Variants in SPSB1 observed in about 807,000 individuals in gnomAD.
The protein encoded by SPSB1 is SPRY domain-containing SOCS box protein 1.
A neutral mutation model predicts 21.2 loss-of-function variants in SPSB1; 8 were observed. The observed-to-expected ratio is 0.38, with a 90% CI of 0.22 to 0.68. SPSB1 has a LOEUF of 0.68. Ranked by LOEUF, SPSB1 falls within the 30% of genes least tolerant of loss-of-function variation. SPSB1 has a pLI of 0.53. For synonymous variants in SPSB1, 169 were observed against 161.7 expected, an observed-to-expected ratio of 1.05 and a Z score of -0.34; for missense variants, 242 against 377.8, an observed-to-expected ratio of 0.64 and a Z score of 2.98.
At chr1:9,299,307 T>C (rs1260553557) in intron 1 of SPSB1, among the ~76,000 whole-genome samples, 1 of 152,248 alleles carries the variant, frequency 6.6e-6, no homozygotes, top group Non-Finnish European at 1.5e-5. Flanking sequence ...TGTCACAGTT[T>C]AGTTCACAGT....
intron 1 of SPSB1, among the ~76,000 whole-genome samples, chr1:9,343,517 CA>C (rs1308419906): frequency 6.6e-6 from 1 of 152,164 alleles, no homozygotes; most frequent in Non-Finnish European, 1.5e-5. Flanking sequence ...CATTGATGGA[CA>C]TTTGGGCTCA....
At chr1:9,330,268 G>C (rs1391490440) in intron 1 of SPSB1, among the ~76,000 whole-genome samples, 1 of 152,160 alleles carries the variant, frequency 6.6e-6, no homozygotes, top group Non-Finnish European at 1.5e-5. Context: ...AGGAGTTTGA[G>C]ACCAGCCTGG....
intron 1 of SPSB1, among the ~76,000 whole-genome samples, chr1:9,319,299 A>G (rs1335570252): frequency 6.6e-6 from 1 of 152,216 alleles, no homozygotes; most frequent in African/African-American, 2.4e-5. Flanking sequence ...GCTGCGGGTC[A>G]GCATGTGGAC....
Position 9,356,122 on chromosome 1 carries a change from G to A in SPSB1, c.231G>A (p.Arg77=), listed in dbSNP as rs1350219951. 1 of 1,600,964 alleles carries A rather than the reference G, an allele frequency of 6.2e-7. No homozygotes were observed. The highest frequency in any genetic ancestry group is 2.2e-5 in the East Asian group (1 of 44,648). ...AGGACGACAAGCTCATCTTTCACCG[G>A]CATCCGGTGGCCCAGAGCACGGACG... ...VKEDDKLIFH[R]HPVAQSTDAI... Residue 77 remains arginine (R), a synonymous_variant, in exon 2 of 3, where the codon CGG becomes CGA. Transcript: ENST00000328089. This position sits in a 1 kb window ranked among gnomAD's most constrained non-coding sequence, Gnocchi z 7.4.
intron 1 of SPSB1, among the ~76,000 whole-genome samples, chr1:9,353,751 T>C (rs1640314818): frequency 6.6e-6 from 1 of 152,006 alleles, no homozygotes; most frequent in Admixed American, 6.6e-5. Context: ...AAACCCGGCC[T>C]CTACTAAATA....
In SPSB1 at chr1:9,355,759, C is replaced by A. The variant is rs367854687; in HGVS notation, c.-133C>A. On this transcript the variant is annotated 5_prime_UTR_variant, in exon 2 of 3. Coordinates refer to ENST00000328089, the MANE Select transcript of SPSB1 (RefSeq NM_025106.4). ...GTCCATTAGGCAATACTGAACACTG[C>A]GCAGCTTGCAGAGGTCTCCTGGCAG... 1.4e-6 allele frequency: 2 copies of A among 1,475,374 alleles called. No individual in the cohort carries two copies. The highest frequency in any genetic ancestry group is 2.3e-5 in the East Asian group (1 of 42,734). 91.4% of individuals were successfully genotyped at this position (1,475,374 alleles called of 1,614,324 possible).
intron 2 of SPSB1, among the ~76,000 whole-genome samples, chr1:9,366,145 A>C (rs1405037449): frequency 1.3e-5 from 2 of 152,250 alleles, no homozygotes; most frequent in South Asian, 4.1e-4. Flanking sequence ...GGGAGGCTGC[A>C]GCTGGAAGCG....
intron 1 of SPSB1, among the ~76,000 whole-genome samples, chr1:9,304,592 G>T (rs1639382735): frequency 6.6e-6 from 1 of 152,190 alleles, no homozygotes; most frequent in Non-Finnish European, 1.5e-5. Context: ...GTAACTAGTT[G>T]AATGTGGGGT....
At chr1:9,331,379 G>A (rs1639917666) in intron 1 of SPSB1, among the ~76,000 whole-genome samples, 1 of 129,992 alleles carries the variant, frequency 7.7e-6, no homozygotes, top group Non-Finnish European at 1.5e-5. Flanking sequence ...TGCCCAGGCT[G>A]GAGTACAGTG....
chr1:9,333,218 A>G (rs1639950718), intron 1 of SPSB1, among the ~76,000 whole-genome samples: 1 of 152,156 alleles, frequency 6.6e-6, no homozygotes, highest in Non-Finnish European at 1.5e-5. Flanking sequence ...CACTTCCTGG[A>G]CAGCAGCCTG....
At position 9,367,414 on chromosome 1, in the gene SPSB1, G is replaced by C. The variant is rs116283725; in HGVS notation, c.695-34G>C. 3,643 of 1,612,652 alleles carry C rather than the reference G, an allele frequency of 2.3e-3. 78 individuals are homozygous for C. The African/African-American group carries it at 0.045, about 20-fold the overall frequency. On this transcript the variant is annotated intron_variant, in intron 2 of 2. Coordinates refer to ENST00000328089, the MANE Select transcript of SPSB1 (RefSeq NM_025106.4). The surrounding 1 kb of genome is among the most constrained non-coding windows in gnomAD (Gnocchi z 5.9). ...CGCTGTTTGCTGAACACCCACCCAA[G>C]CTGCGCTGACCTGCAGTTTCTCTGT...
intron 1 of SPSB1, among the ~76,000 whole-genome samples, chr1:9,331,821 C>T (rs527529804): frequency 6.6e-6 from 1 of 152,324 alleles, no homozygotes; most frequent in Admixed American, 6.5e-5. Context: ...CGTGCGATCT[C>T]ATTACTGCTT....
intron 2 of SPSB1, among the ~76,000 whole-genome samples, chr1:9,362,163 G>A (rs983621443): frequency 1.3e-5 from 2 of 151,522 alleles, no homozygotes; most frequent in Non-Finnish European, 2.9e-5. Context: ...CTGATACACC[G>A]CCACCAGGGC....
chr1:9,319,731 G>A lies in SPSB1; in HGVS notation c.-150+26660G>A, dbSNP rs113474552. On this transcript the variant is annotated intron_variant, in intron 1 of 2. Coordinates refer to ENST00000328089, the MANE Select transcript of SPSB1 (RefSeq NM_025106.4). ...AGTGCAGAGCAGCCCCCAAAGGTCC[G>A]CTGTAGTGAAGGGAGGGTACTACAG... Among the ~76,000 whole-genome samples the A allele has an allele frequency of 7.2e-3, 1,092 of 152,310 alleles. 6 individuals carry two copies. Among genetic ancestry groups the A allele is most frequent in the Middle Eastern group, 0.01 (3 of 294 alleles).
At chr1:9,309,469 C>T (rs1391767116) in intron 1 of SPSB1, among the ~76,000 whole-genome samples, 1 of 152,062 alleles carries the variant, frequency 6.6e-6, no homozygotes, top group African/African-American at 2.4e-5. Flanking sequence ...AGGTATGTGT[C>T]ACCATACCTG....
At chr1:9,306,930 CT>C (rs200660299) in intron 1 of SPSB1, among the ~76,000 whole-genome samples, 18,391 of 67,268 alleles carry the variant, frequency 0.27, 1,547 homozygotes, top group African/African-American at 0.42. Flanking sequence ...TTCTTTTCTT[CT>C]TTTTTTTTTT....
chr1:9,319,488 C>G (rs2100480667), intron 1 of SPSB1, among the ~76,000 whole-genome samples: 1 of 152,308 alleles, frequency 6.6e-6, no homozygotes. Flanking sequence ...CTCCGAGGCC[C>G]TGCTGTCCCC....
chr1:9,305,791 A>G lies in SPSB1; in HGVS notation c.-150+12720A>G, dbSNP rs937083413. On this transcript the variant is annotated intron_variant, in intron 1 of 2. Transcript: ENST00000328089. This position sits in a 1 kb window ranked among gnomAD's most constrained non-coding sequence, Gnocchi z 4.8. ...GTATGCAGCCAGTCTGCTGGGGCCGAGGATACAAAGAATGAGGAAGCTTTC... is the reference window on the plus strand; with the variant it reads ...GTATGCAGCCAGTCTGCTGGGGCCGGGGATACAAAGAATGAGGAAGCTTTC... Among the ~76,000 whole-genome samples, 2 of 152,128 alleles carry G rather than the reference A, an allele frequency of 1.3e-5. No individual in the cohort carries two copies. The highest frequency in any genetic ancestry group is 4.8e-5 in the African/African-American group (2 of 41,416).
chr1:9,297,421 ACAGT>A (rs1244299949), intron 1 of SPSB1, among the ~76,000 whole-genome samples: 15 of 152,140 alleles, frequency 9.9e-5, no homozygotes, highest in African/African-American at 2.9e-4. Flanking sequence ...ACCTTGCCAG[ACAGT>A]CAGAGTGTGG....
Sources: gnomAD v4.1 joint callset for allele counts (sites outside exome capture counted in the v4.1 genomes callset) on GRCh38, gnomAD v4.1.1 for gene constraint, Gnocchi (gnomAD v3.1) non-coding constraint, MANE v1.5 for transcripts, NCBI Gene and HGNC (gene_info 2026-07-23, HGNC 2026-07-21) for gene names.